Variants in STX3 observed in about 807,000 individuals in gnomAD.
The protein encoded by STX3 is syntaxin-3.
STX3 carries 19 observed loss-of-function variants against 40.2 expected under a neutral mutation model. The observed-to-expected ratio is 0.47, with a 90% confidence interval of 0.33 to 0.69. STX3 has a LOEUF of 0.69. Ranked by LOEUF, STX3 falls within the 30% of genes least tolerant of loss-of-function variation. STX3 has a pLI of 0.02. For synonymous variants in STX3, 122 were observed against 132.2 expected (o/e 0.92, Z 0.53); for missense variants, 364 against 366.7 (o/e 0.99, Z 0.06).
chr11:59,770,113 T>G (rs1319879263), intron 1 of STX3, among the ~76,000 whole-genome samples: 2 of 150,388 alleles, frequency 1.3e-5, no homozygotes, highest in Non-Finnish European at 3.0e-5. Flanking sequence ...TGGGTGTGGG[T>G]GTATGTGTGG....
At chr11:59,793,334 C>T in intron 7 of STX3, 46 bp from the exon 8 acceptor site, 1 of 1,602,256 alleles carries the variant, frequency 6.2e-7, no homozygotes, top group Non-Finnish European at 8.5e-7. Flanking sequence ...GCAGGGGCAG[C>T]CTTTCTTGCA....
In STX3 at chr11:59,755,398, G is replaced by C; in HGVS notation, c.-208G>C. ...GCCGGATTTGGAGCGCGAGGCGCCG[G>C]TGGGGGCGGAGGGGGCTGCGCGGCG... On this transcript the variant is annotated 5_prime_UTR_variant, in exon 1 of 11. Transcript: ENST00000337979. 1 of 401,514 alleles carries C rather than the reference G, an allele frequency of 2.5e-6. No homozygotes were observed. The allele number at this position is 401,514 out of a possible 1,614,324, so 24.9% of individuals were successfully genotyped here.
chr11:59,762,769 G>C (rs1863102867), intron 1 of STX3, among the ~76,000 whole-genome samples: 1 of 152,176 alleles, frequency 6.6e-6, no homozygotes, highest in Non-Finnish European at 1.5e-5. Context: ...AAGGACACCT[G>C]AGATCTCCAG....
chr11:59,754,650 C>G (rs931246378), upstream of STX3: 1 of 152,246 alleles, frequency 6.6e-6, no homozygotes, highest in African/African-American at 2.4e-5. Context: ...AAAGCCCCTC[C>G]TCGCTCACAG....
At position 59,801,107 on chromosome 11, in the gene STX3, C is replaced by T; in HGVS notation, c.*283C>T. 7.2e-7 allele frequency: 1 copy of T among 1,390,190 alleles called. No homozygotes were observed. Among genetic ancestry groups the T allele is most frequent in the Non-Finnish European group, 9.3e-7 (1 of 1,072,498 alleles). 86.1% of individuals were successfully genotyped at this position (1,390,190 alleles called of 1,614,324 possible). A position where few individuals can be genotyped will look rare whatever the true frequency, so the allele number is the denominator to read the frequency against. On this transcript the variant is annotated 3_prime_UTR_variant, in exon 11 of 11. Transcript: ENST00000337979. Reference sequence around the variant, plus strand: ...TCCTGGACTGTGTGGACCCACCCAGCTTTCTTCCTCCCTGTTGTGTGTCAG... The same window carrying T: ...TCCTGGACTGTGTGGACCCACCCAGTTTTCTTCCTCCCTGTTGTGTGTCAG...
intron 2 of STX3, among the ~76,000 whole-genome samples, chr11:59,784,955 A>G (rs1159359451): frequency 6.6e-6 from 1 of 152,212 alleles, no homozygotes; most frequent in Non-Finnish European, 1.5e-5. Context: ...TCTAATGGAA[A>G]AAAGCTTCCC....
intron 10 of STX3, among the ~76,000 whole-genome samples, chr11:59,798,510 A>C (rs1865669059): frequency 6.6e-6 from 1 of 151,554 alleles, no homozygotes; most frequent in Non-Finnish European, 1.5e-5. Flanking sequence ...CAAAACAAAC[A>C]AAAAACGTTT....
At chr11:59,755,826 C>A (rs1215700775) in intron 1 of STX3, among the ~76,000 whole-genome samples, 191 bp downstream of exon 1, 1 of 152,162 alleles carries the variant, frequency 6.6e-6, no homozygotes, top group East Asian at 1.9e-4. Context: ...CCCGGTGATT[C>A]ATCGCTAGGC....
Position 59,793,396 on chromosome 11 carries a change from T to C in STX3, c.557T>C (p.Ile186Thr), listed in dbSNP as rs1430402864. 2 of 1,613,964 alleles carry C rather than the reference T, an allele frequency of 1.2e-6. No homozygotes were observed. The highest frequency in any genetic ancestry group is 4.5e-5 in the East Asian group (2 of 44,864). Residue 186 changes from isoleucine to threonine, a missense_variant, in exon 8 of 11, where the codon ATT becomes ACT. Transcript: ENST00000337979. ...CTGTTGTAGATCATTGACTCACAGA[T>C]TTCCAAGCAAGCCCTCAGTGAGATT... ...IFTSGIIDSQISKQALSEIEG... is the reference protein window; with the variant it reads ...IFTSGIIDSQTSKQALSEIEG...
At chr11:59,781,655 G>A in intron 2 of STX3, 1 of 1,610,890 alleles carries the variant, frequency 6.2e-7, no homozygotes, top group Non-Finnish European at 8.5e-7. Context: ...GCTCCTTCAT[G>A]TATTCATCAA....
At chr11:59,797,670 C>T (rs1207707937) in intron 10 of STX3, among the ~76,000 whole-genome samples, 3 of 152,208 alleles carry the variant, frequency 2.0e-5, no homozygotes, top group South Asian at 4.1e-4. Context: ...CATACCTGAG[C>T]ACCCCAGGTG....
At chr11:59,798,276 C>T (rs571652435) in intron 10 of STX3, among the ~76,000 whole-genome samples, 2 of 151,020 alleles carry the variant, frequency 1.3e-5, no homozygotes, top group South Asian at 2.1e-4. Context: ...GGCATGATCT[C>T]GGCTCACTGC....
rs1208094870 is a variant in STX3 at position 59,805,193 on chromosome 11, C to CAAAAAAAAAAAAAAAAAAAAAA, written c.*4381_*4382insAAAAAAAAAAAAAAAAAAAAAA. 5 of 115,810 alleles carry CAAAAAAAAAAAAAAAAAAAAAA rather than the reference C, an allele frequency of 4.3e-5. No individual in the cohort carries two copies. Among genetic ancestry groups the CAAAAAAAAAAAAAAAAAAAAAA allele is most frequent in the African/African-American group, 3.7e-5 (1 of 26,840 alleles). The allele number at this position is 115,810 out of a possible 1,614,324, so 7.2% of individuals were successfully genotyped here. ...ATTCCATCTAAAAAAAAAAAAAAAACAAAAAAAAAAAACTGTTCTTAATAC... is the reference window on the plus strand; with the variant it reads ...ATTCCATCTAAAAAAAAAAAAAAAACAAAAAAAAAAAAAAAAAAAAAAAAAAAAAAAAAACTGTTCTTAATAC... On this transcript the variant is annotated 3_prime_UTR_variant, in exon 11 of 11. Transcript: ENST00000337979.
At chr11:59,800,322 A>C (rs1016943700) in intron 10 of STX3, 1 of 985,282 alleles carries the variant, frequency 1.0e-6, no homozygotes, top group Non-Finnish European at 1.2e-6. Context: ...CTCTAAGATC[A>C]TAGTATCCTC....
chr11:59,799,560 T>C (rs565764523), intron 10 of STX3: 1 of 700,954 alleles, frequency 1.4e-6, no homozygotes, highest in Admixed American at 6.3e-5. Context: ...TTTCTCTTTA[T>C]TACCAACTCA....
chr11:59,767,574 A>G (rs1863342730), intron 1 of STX3, among the ~76,000 whole-genome samples: 1 of 152,132 alleles, frequency 6.6e-6, no homozygotes, highest in Admixed American at 6.5e-5. Context: ...CTCTGTAGGG[A>G]AGCCTGCTGC....
intron 10 of STX3, among the ~76,000 whole-genome samples, chr11:59,799,451 C>T (rs1590835919): frequency 6.6e-6 from 1 of 152,144 alleles, no homozygotes; most frequent in African/African-American, 2.4e-5. Context: ...TGTGGCCATA[C>T]TCTCAAATAT....
At chr11:59,788,732 C>A in intron 3 of STX3, 141 bp from the exon 4 acceptor site, 1 of 581,140 alleles carries the variant, frequency 1.7e-6, no homozygotes, top group Non-Finnish European at 3.0e-6. Flanking sequence ...ATGACAGATG[C>A]TGGGGAGTGC....
intron 1 of STX3, among the ~76,000 whole-genome samples, chr11:59,764,653 G>A (rs1469355966): frequency 2.0e-5 from 3 of 152,138 alleles, no homozygotes; most frequent in African/African-American, 4.8e-5. Flanking sequence ...TGGGGAGGAT[G>A]CCTTCAAGTG....
Sources: allele counts gnomAD v4.1 joint callset (sites outside exome capture counted in the v4.1 genomes callset), GRCh38; gene constraint gnomAD v4.1.1; transcripts MANE v1.5; gene names NCBI Gene and HGNC (gene_info 2026-07-23, HGNC 2026-07-21).